The following PPP1R12B variants were observed in gnomAD, a reference collection of about 807,000 sequenced individuals.
PPP1R12B encodes myosin phosphatase target subunit 2.
In PPP1R12B, 76 loss-of-function variants were observed where a neutral mutation model predicts 126.1. The ratio of observed to expected loss-of-function variants is 0.60; its 90% CI spans 0.50 to 0.73. The LOEUF (loss-of-function observed/expected upper bound fraction) is 0.73. PPP1R12B is among the 30% of genes least tolerant of loss of function. The probability of loss-of-function intolerance (pLI) is 0.00; values close to 1 mark genes in which losing one functional copy is unlikely to be tolerated. For synonymous variants in PPP1R12B, 356 were observed against 434.7 expected, an observed-to-expected ratio of 0.82 and a Z score of 2.25; for missense variants, 1,052 against 1,205.1, an observed-to-expected ratio of 0.87 and a Z score of 1.88.
chr1:202,575,372 A>T, intron 23 of PPP1R12B: 1 of 505,042 alleles, frequency 2.0e-6, no homozygotes, highest in Non-Finnish European at 3.4e-6. Flanking sequence ...CTACCAATAT[A>T]TTCATTTGGT....
At chr1:202,552,648 CT>C (rs986723212) in intron 18 of PPP1R12B, among the ~76,000 whole-genome samples, 3 of 152,170 alleles carry the variant, frequency 2.0e-5, no homozygotes, top group African/African-American at 7.2e-5. Context: ...ATTGTTTCCC[CT>C]GGCTCAGCTA....
intron 1 of PPP1R12B, among the ~76,000 whole-genome samples, chr1:202,355,202 G>C (rs898480686): frequency 2.0e-5 from 3 of 152,118 alleles, no homozygotes; most frequent in Non-Finnish European, 4.4e-5. Context: ...ACCATGCCTG[G>C]CCGTGTTCCA....
intron 23 of PPP1R12B, among the ~76,000 whole-genome samples, chr1:202,578,113 C>G (rs1450931443): frequency 6.6e-6 from 1 of 152,194 alleles, no homozygotes; most frequent in African/African-American, 2.4e-5. Context: ...CTTTTTGCCA[C>G]TCCCTTTAGA....
chr1:202,364,818 G>C (rs7365265), intron 1 of PPP1R12B, among the ~76,000 whole-genome samples: 1 of 151,360 alleles, frequency 6.6e-6, no homozygotes, highest in African/African-American at 2.4e-5. Flanking sequence ...CCTCGTGATG[G>C]GCCCGCCTCG....
At chr1:202,407,236 C>T (rs902436602) in intron 1 of PPP1R12B, among the ~76,000 whole-genome samples, 1 of 152,098 alleles carries the variant, frequency 6.6e-6, no homozygotes, top group African/African-American at 2.4e-5. Flanking sequence ...TTATTTGAAG[C>T]GAAGGGCTTA....
chr1:202,580,675 CT>C lies in PPP1R12B; in HGVS notation c.*118del. ...TGGATGTTTTGGTGGAAGGACACTTCTTTCTATCACCCTCTTCAGTCACCTC... is the reference window on the plus strand; with the variant it reads ...TGGATGTTTTGGTGGAAGGACACTTCTTCTATCACCCTCTTCAGTCACCTC... On this transcript the variant is annotated 3_prime_UTR_variant, in exon 24 of 24. Coordinates refer to ENST00000608999, the MANE Select transcript of PPP1R12B (RefSeq NM_002481.4). 1.2e-6 allele frequency: 1 copy of C among 818,698 alleles called. No individual in the cohort carries two copies. The highest frequency in any genetic ancestry group is 2.1e-6 in the Non-Finnish European group (1 of 485,392). The allele number at this position is 818,698 out of a possible 1,614,324, so 50.7% of individuals were successfully genotyped here.
At chr1:202,510,469 C>T (rs983110856) in intron 18 of PPP1R12B, among the ~76,000 whole-genome samples, 1 of 152,088 alleles carries the variant, frequency 6.6e-6, no homozygotes, top group Non-Finnish European at 1.5e-5. Flanking sequence ...GGATAGTGTT[C>T]CTAGAGGTAT....
chr1:202,481,168 C>A (rs1053321166), intron 13 of PPP1R12B, among the ~76,000 whole-genome samples: 4 of 152,180 alleles, frequency 2.6e-5, no homozygotes, highest in African/African-American at 7.2e-5. Flanking sequence ...CATCAATGCT[C>A]ACTTGCTCAC....
At chr1:202,397,712 A>G (rs781550266) in intron 1 of PPP1R12B, among the ~76,000 whole-genome samples, 3 of 152,206 alleles carry the variant, frequency 2.0e-5, no homozygotes, top group Non-Finnish European at 4.4e-5. Flanking sequence ...AAAATAACAT[A>G]TTGGAAGAAA....
chr1:202,391,559 A>G (rs1167664304), intron 1 of PPP1R12B, among the ~76,000 whole-genome samples: 2 of 151,996 alleles, frequency 1.3e-5, no homozygotes, highest in African/African-American at 4.8e-5. Context: ...CAGCAATTCT[A>G]CTCAGGTGTA....
intron 13 of PPP1R12B, among the ~76,000 whole-genome samples, chr1:202,470,211 C>CT (rs1425932352): frequency 9.9e-5 from 15 of 152,200 alleles, no homozygotes; most frequent in Non-Finnish European, 2.1e-4. Context: ...TTTTCTACCA[C>CT]TTCTGACCTC....
At chr1:202,438,855 T>TC (rs1361035448) in intron 10 of PPP1R12B, 2 of 1,146,778 alleles carry the variant, frequency 1.7e-6, no homozygotes, top group African/African-American at 3.0e-5. Flanking sequence ...CACTGCTGAC[T>TC]CCATCTACTG....
chr1:202,399,408 A>C (rs1665472915), intron 1 of PPP1R12B, among the ~76,000 whole-genome samples: 1 of 151,700 alleles, frequency 6.6e-6, no homozygotes, highest in South Asian at 2.1e-4. Flanking sequence ...TTTTGTAGAG[A>C]TGAGGGCTCA....
At position 202,581,958 on chromosome 1, in the gene PPP1R12B, C is replaced by A. The variant is rs2149046295; in HGVS notation, c.*1398C>A. ...GCTTTCTATTATTGTGTCACAGGGA[C>A]CCCTGCTACCACAGCTTTCACCCAT... On this transcript the variant is annotated 3_prime_UTR_variant, in exon 24 of 24. Coordinates refer to ENST00000608999, the MANE Select transcript of PPP1R12B (RefSeq NM_002481.4). 1.3e-5 allele frequency: 2 copies of A among 152,304 alleles called. No individual in the cohort carries two copies. Among genetic ancestry groups the A allele is most frequent in the African/African-American group, 4.8e-5 (2 of 41,574 alleles). The allele number at this position is 152,304 out of a possible 1,614,324, so 9.4% of individuals were successfully genotyped here.
At chr1:202,469,187 G>T (rs914181783) in intron 13 of PPP1R12B, among the ~76,000 whole-genome samples, 2 of 152,190 alleles carry the variant, frequency 1.3e-5, no homozygotes, top group African/African-American at 4.8e-5. Flanking sequence ...TAATGATAAA[G>T]TGTAGTCCCT....
chr1:202,464,021 G>T (rs1674660633), intron 13 of PPP1R12B, among the ~76,000 whole-genome samples: 1 of 152,092 alleles, frequency 6.6e-6, no homozygotes, highest in Non-Finnish European at 1.5e-5. Context: ...TTCTAGAATA[G>T]TTTTTTCTCA....
chr1:202,445,016 T>G (rs1672068414), intron 12 of PPP1R12B: 1 of 1,246,744 alleles, frequency 8.0e-7, no homozygotes. Context: ...CAGCATGTCC[T>G]GAAGAAAGTG....
intron 1 of PPP1R12B, among the ~76,000 whole-genome samples, chr1:202,394,721 T>G (rs1664682544): frequency 6.6e-6 from 1 of 150,848 alleles, no homozygotes; most frequent in African/African-American, 2.4e-5. Flanking sequence ...ACCATTGCAC[T>G]CTAGCCTGGG....
chr1:202,374,606 C>G (rs1277767044), intron 1 of PPP1R12B, among the ~76,000 whole-genome samples: 1 of 139,902 alleles, frequency 7.1e-6, no homozygotes, highest in South Asian at 2.4e-4. Flanking sequence ...TCAAGCAATT[C>G]TCCTGCCTCA....
Sources: allele counts gnomAD v4.1 joint callset (sites outside exome capture counted in the v4.1 genomes callset), GRCh38; gene constraint gnomAD v4.1.1; transcripts MANE v1.5; gene names NCBI Gene and HGNC (gene_info 2026-07-23, HGNC 2026-07-21).